PARM1: variants seen among roughly 807,000 people sequenced by gnomAD.
PARM1 encodes prostate androgen-regulated mucin-like protein 1, also known as WSC4, cell wall integrity and stress response component 4 homolog.
In PARM1, 14 loss-of-function variants were observed where a neutral mutation model predicts 24.6. That is an observed-to-expected ratio of 0.57 (90% CI 0.38 to 0.89). The LOEUF (loss-of-function observed/expected upper bound fraction) is 0.89, where lower values mean the gene tolerates loss of function less well. Among genes scored for constraint, PARM1 ranks in the 40% least tolerant of loss-of-function variants. The probability of loss-of-function intolerance (pLI) is 0.00; values close to 1 mark genes in which losing one functional copy is unlikely to be tolerated. For synonymous variants in PARM1, 179 were observed against 156.6 expected, an observed-to-expected ratio of 1.14 and a Z score of -1.07; for missense variants, 362 against 380.4, an observed-to-expected ratio of 0.95 and a Z score of 0.40.
At chr4:74,977,699 G>A (rs1196691242) in intron 1 of PARM1, among the ~76,000 whole-genome samples, 2 of 152,178 alleles carry the variant, frequency 1.3e-5, no homozygotes, top group East Asian at 3.8e-4. Flanking sequence ...AGGAAAAAAT[G>A]TTAGGGGCAG....
chr4:74,936,295 A>C (rs1385300901), intron 1 of PARM1, among the ~76,000 whole-genome samples: 5 of 152,146 alleles, frequency 3.3e-5, no homozygotes, highest in African/African-American at 4.8e-5. Flanking sequence ...TTAAAATACA[A>C]ACCAGAGCCT....
In PARM1 at chr4:74,933,341, C is replaced by T. The variant is rs765586346; in HGVS notation, c.14C>T (p.Thr5Ile). 6.2e-7 allele frequency: 1 copy of T among 1,612,386 alleles called. No homozygotes were observed. MVYK[T>I]LFALCILTAG... ...TACCAGGCTACCATGGTCTACAAGA[C>T]TCTCTTCGCTCTTTGCATCTTAACT... is the stretch of plus-strand genomic sequence containing the variant. The change falls in exon 1 of 4, where the codon ACT (threonine) becomes ATT (isoleucine). Residue 5 changes from threonine (T) to isoleucine (I), a missense_variant. Coordinates refer to ENST00000307428, the MANE Select transcript of PARM1 (RefSeq NM_015393.4).
intron 1 of PARM1, among the ~76,000 whole-genome samples, chr4:74,950,999 C>A (rs1471988918): frequency 6.6e-6 from 1 of 152,222 alleles, no homozygotes; most frequent in Non-Finnish European, 1.5e-5. Flanking sequence ...TCACACATTT[C>A]CAAACCATCT....
chr4:75,017,176 A>G (rs1248082158), intron 2 of PARM1, among the ~76,000 whole-genome samples: 2 of 152,144 alleles, frequency 1.3e-5, no homozygotes, highest in Non-Finnish European at 2.9e-5. Context: ...AACTGATCTC[A>G]CTATTCACTG....
At chr4:74,947,669 C>T (rs1245669321) in intron 1 of PARM1, among the ~76,000 whole-genome samples, 2 of 152,054 alleles carry the variant, frequency 1.3e-5, no homozygotes, top group Non-Finnish European at 2.9e-5. Flanking sequence ...TGCTATGATG[C>T]TTAGTATTTA....
intron 1 of PARM1, chr4:74,994,095 C>A (rs1433758547): frequency 2.0e-5 from 3 of 152,088 alleles, no homozygotes; most frequent in Non-Finnish European, 4.4e-5. Flanking sequence ...GTACAGTAGA[C>A]TACCAAGGCC....
intron 1 of PARM1, among the ~76,000 whole-genome samples, chr4:74,937,076 T>G (rs1340981249): frequency 6.6e-6 from 1 of 152,190 alleles, no homozygotes; most frequent in Non-Finnish European, 1.5e-5. Context: ...GTGTTCTGGA[T>G]CTGGTAGATA....
intron 1 of PARM1, among the ~76,000 whole-genome samples, chr4:74,940,736 C>T (rs1247203977): frequency 6.6e-6 from 1 of 152,158 alleles, no homozygotes; most frequent in African/African-American, 2.4e-5. Context: ...AGGACCACTC[C>T]ATACTATAGG....
Position 75,042,313 on chromosome 4 carries a change from G to T in PARM1, c.849-3850G>T, listed in dbSNP as rs180896959. Among the ~76,000 whole-genome samples, 3 of 152,308 alleles carry T rather than the reference G, an allele frequency of 2.0e-5. No individual in the cohort carries two copies. In the East Asian group the frequency reaches 5.8e-4, roughly 29 times the overall value. Reference sequence around the variant, plus strand: ...AAGCGGAGCCAAGACACAGCAAAGAGAAAACATGGCTATATTGAATCAGTG... The same window carrying T: ...AAGCGGAGCCAAGACACAGCAAAGATAAAACATGGCTATATTGAATCAGTG... On this transcript the variant is annotated intron_variant, in intron 3 of 3. Transcript: ENST00000307428.
chr4:75,014,031 A>G (rs1166572475), intron 2 of PARM1, among the ~76,000 whole-genome samples: 1 of 152,104 alleles, frequency 6.6e-6, no homozygotes, highest in African/African-American at 2.4e-5. Flanking sequence ...TTAGAGGGGG[A>G]AATGGAGCTG....
chr4:75,024,255 C>CAAAA (rs369591905), intron 2 of PARM1, among the ~76,000 whole-genome samples: 3,992 of 134,716 alleles, frequency 0.03, 190 homozygotes, highest in African/African-American at 0.1. Flanking sequence ...GAGACTCTGT[C>CAAAA]AAAAAAAAAA....
At chr4:74,998,051 CAGAGT>C (rs1722609068) in intron 1 of PARM1, among the ~76,000 whole-genome samples, 2 of 152,280 alleles carry the variant, frequency 1.3e-5, no homozygotes, top group South Asian at 4.1e-4. Flanking sequence ...GCAATGGTTG[CAGAGT>C]AGCATTTTAA....
chr4:74,989,510 C>T (rs1182040858), intron 1 of PARM1, among the ~76,000 whole-genome samples: 4 of 152,166 alleles, frequency 2.6e-5, no homozygotes, highest in Non-Finnish European at 5.9e-5. Flanking sequence ...TCCATGCCCT[C>T]TCTGGCAGCC....
In PARM1 at chr4:75,049,606, G is replaced by T. The variant is rs1723677497; in HGVS notation, c.*3359G>T. 6.6e-6 allele frequency: 1 copy of T among 152,626 alleles called. No individual in the cohort carries two copies. The highest frequency in any genetic ancestry group is 2.4e-5 in the African/African-American group (1 of 41,446). The allele number at this position is 152,626 out of a possible 1,614,324, so 9.5% of individuals were successfully genotyped here. On this transcript the variant is annotated 3_prime_UTR_variant, in exon 4 of 4. Transcript: ENST00000307428. Reference sequence around the variant, plus strand: ...AGGACATAGGTCTCAAAGACTCTTGGATCAGAATCAGGAGATTAGGGAAAA... The same window carrying T: ...AGGACATAGGTCTCAAAGACTCTTGTATCAGAATCAGGAGATTAGGGAAAA...
At chr4:74,989,864 CA>C (rs1478431647) in intron 1 of PARM1, among the ~76,000 whole-genome samples, 15 of 152,014 alleles carry the variant, frequency 9.9e-5, no homozygotes, top group African/African-American at 3.6e-4. Context: ...GGATAAAGAC[CA>C]AGTATATATA....
intron 1 of PARM1, among the ~76,000 whole-genome samples, chr4:74,944,680 G>C (rs112615796): frequency 0.071 from 10,858 of 152,216 alleles, 458 homozygotes; most frequent in Non-Finnish European, 0.094. Flanking sequence ...AAAGACAAGC[G>C]TGGCTGCTCA....
chr4:75,046,001 C>T (rs1723593269), intron 3 of PARM1, among the ~76,000 whole-genome samples, 162 bp from the exon 4 acceptor site: 1 of 152,162 alleles, frequency 6.6e-6, no homozygotes, highest in African/African-American at 2.4e-5. Flanking sequence ...GTTTGGTAGA[C>T]CGGGGCCTCC....
In PARM1 at chr4:75,047,094, C is replaced by A. The variant is rs1723618172; in HGVS notation, c.*847C>A. 1.3e-5 allele frequency: 2 copies of A among 152,748 alleles called. No homozygotes were observed. The highest frequency in any genetic ancestry group is 4.8e-5 in the African/African-American group (2 of 41,448). 9.5% of individuals were successfully genotyped at this position (152,748 alleles called of 1,614,324 possible). ...ACGGTGTGGGGAAGTGGAAGAGAAG[C>A]TGGCGGGGGAGAAGGAGGCTAACCT... On this transcript the variant is annotated 3_prime_UTR_variant, in exon 4 of 4. Coordinates refer to ENST00000307428, the MANE Select transcript of PARM1 (RefSeq NM_015393.4).
chr4:75,026,187 G>A (rs1389479265), intron 2 of PARM1, among the ~76,000 whole-genome samples: 4 of 152,122 alleles, frequency 2.6e-5, no homozygotes, highest in African/African-American at 7.2e-5. Flanking sequence ...TAAAGTTCAG[G>A]TTTTTAAAAA....
Sources: allele counts gnomAD v4.1 joint callset (sites outside exome capture counted in the v4.1 genomes callset), GRCh38; gene constraint gnomAD v4.1.1; transcripts MANE v1.5; gene names NCBI Gene and HGNC (gene_info 2026-07-23, HGNC 2026-07-21).